The following ANO7 variants were observed in gnomAD, a reference collection of about 807,000 sequenced individuals.
ANO7 encodes anoctamin 7, also known as anoctamin-7.
In ANO7, 114 loss-of-function variants were observed where a neutral mutation model predicts 115.8. The observed-to-expected ratio is 0.98, with a 90% confidence interval of 0.85 to 1.15. ANO7 has a LOEUF of 1.15. ANO7 is among the 50% of genes most tolerant of loss of function. ANO7 has a pLI of 0.00. For missense variants in ANO7, 1,302 were observed against 1,201.2 expected, an observed-to-expected ratio of 1.08 and a Z score of -1.24; for synonymous variants, 550 against 498.2, an observed-to-expected ratio of 1.10 and a Z score of -1.38.
chr2:241,218,384 G>A lies in ANO7; in HGVS notation c.2321+3G>A. On this transcript the variant is annotated splice_donor_region_variant and intron_variant, in intron 21 of 24. Transcript: ENST00000674324. The stretch of plus-strand genomic sequence containing the variant: ...GCCGCGCACAACCGCACGTGCAGGT[G>A]AGCCCCGCGCCAGGTGGAGGGGGCC... The A allele has an allele frequency of 7.1e-7, 1 of 1,409,874 alleles. No homozygotes were observed. The highest frequency in any genetic ancestry group is 1.4e-5 in the South Asian group (1 of 69,316). 87.3% of individuals were successfully genotyped at this position (1,409,874 alleles called of 1,614,324 possible).
chr2:241,238,532 C>T, the ANO7 span: 1 of 825,778 alleles, frequency 1.2e-6, no homozygotes. This position sits in a 1 kb window ranked among gnomAD's most constrained non-coding sequence, Gnocchi z 4.9. Flanking sequence ...CCCCAGAATA[C>T]ATAGATGGTT....
At chr2:241,218,875 TA>T (rs2068937508) in intron 21 of ANO7, among the ~76,000 whole-genome samples, 1 of 152,222 alleles carries the variant, frequency 6.6e-6, no homozygotes, top group African/African-American at 2.4e-5. Flanking sequence ...CAAAAAGTTT[TA>T]CGGTGCTTTC....
rs927023771 is a variant in ANO7 at position 241,199,127 on chromosome 2, G to T, written c.310-189G>T. 6.9e-6 allele frequency: 4 copies of T among 583,514 alleles called. No individual in the cohort carries two copies. In the African/African-American group the frequency reaches 7.4e-5, roughly 11 times the overall value. 36.1% of individuals were successfully genotyped at this position (583,514 alleles called of 1,614,324 possible). On this transcript the variant is annotated intron_variant, in intron 4 of 24. Coordinates refer to ENST00000674324, the MANE Select transcript of ANO7 (RefSeq NM_001370694.2). The stretch of plus-strand genomic sequence containing the variant: ...GGGCCGACTCCCAAACGGGGCTGTC[G>T]AGGCCCGGTTGGCTTTCAGAGGCGT...
chr2:241,234,222 C>T, the ANO7 span, among the ~76,000 whole-genome samples: 114 of 152,356 alleles, frequency 7.5e-4, no homozygotes, highest in Non-Finnish European at 1.3e-3. Context: ...TTGCGAGGAT[C>T]GTGCTCAGGA....
At chr2:241,230,332 T>G, downstream of ANO7, 2 of 1,006,866 alleles carry the variant, frequency 2.0e-6, no homozygotes, top group South Asian at 3.1e-5. This position sits in a 1 kb window ranked among gnomAD's most constrained non-coding sequence, Gnocchi z 5.0. Context: ...TAAAATTATG[T>G]GTCAATTTCT....
At chr2:241,196,516 C>G (rs2068333634) in intron 4 of ANO7, among the ~76,000 whole-genome samples, 1 of 152,282 alleles carries the variant, frequency 6.6e-6, no homozygotes, top group South Asian at 2.1e-4. Context: ...TGTCCTCTCC[C>G]TCTCCACAGA....
At position 241,224,257 on chromosome 2, in the gene ANO7, G is replaced by A. The variant is rs1321549826; in HGVS notation, c.*104G>A. ...TCAGGCAGCGGCTGTGTGAACCGCT[G>A]GCTGCTGTTGTGCCTCATCTCTGGG... On this transcript the variant is annotated 3_prime_UTR_variant, in exon 25 of 25. Transcript: ENST00000674324. The A allele has an allele frequency of 2.3e-6, 3 of 1,322,596 alleles. No homozygotes were observed. Among genetic ancestry groups the A allele is most frequent in the African/African-American group, 1.5e-5 (1 of 68,776 alleles). The allele number at this position is 1,322,596 out of a possible 1,614,324, so 81.9% of individuals were successfully genotyped here. A position where few individuals can be genotyped will look rare whatever the true frequency, so the allele number is the denominator to read the frequency against.
At chr2:241,230,914 C>G (rs140776659), downstream of ANO7, 22 of 1,614,006 alleles carry the variant, frequency 1.4e-5, no homozygotes, top group Non-Finnish European at 1.7e-5. The surrounding 1 kb of genome is among the most constrained non-coding windows in gnomAD (Gnocchi z 5.0). Flanking sequence ...GTGTTCTTTT[C>G]GTACCCTGTG....
intron 11 of ANO7, among the ~76,000 whole-genome samples, chr2:241,209,047 G>T (rs1311124414): frequency 2.0e-5 from 3 of 152,360 alleles, no homozygotes; most frequent in South Asian, 4.1e-4. Context: ...TACTTGGGAG[G>T]CTGAGGCAGG....
At chr2:241,223,004 T>C (rs1260422063) in intron 21 of ANO7, among the ~76,000 whole-genome samples, 182 bp from the exon 22 acceptor site, 1 of 152,164 alleles carries the variant, frequency 6.6e-6, no homozygotes, top group Non-Finnish European at 1.5e-5. Context: ...GTTAAAGGTA[T>C]TGTCAGAGTA....
At chr2:241,238,840 G>A in the ANO7 span, 8 of 1,451,424 alleles carry the variant, frequency 5.5e-6, no homozygotes, top group Non-Finnish European at 6.5e-6. The surrounding 1 kb of genome is among the most constrained non-coding windows in gnomAD (Gnocchi z 4.9). Flanking sequence ...AAATTCCTTA[G>A]GGCAAGTTTT....
chr2:241,212,847 T>A, intron 17 of ANO7: 1 of 536,994 alleles, frequency 1.9e-6, no homozygotes, highest in Non-Finnish European at 3.3e-6. Context: ...ACCAAAACAC[T>A]CCAGGCCGGG....
At position 241,191,181 on chromosome 2, in the gene ANO7, C is replaced by T; in HGVS notation, c.109-13C>T. 6.2e-7 allele frequency: 1 copy of T among 1,613,888 alleles called. No individual in the cohort carries two copies. The highest frequency in any genetic ancestry group is 1.1e-5 in the South Asian group (1 of 91,078). On this transcript the variant is annotated splice_polypyrimidine_tract_variant and intron_variant, in intron 2 of 24. Transcript: ENST00000674324. ...TGATGCTGATATGCTTCTCCATCCT[C>T]CATGCCTTCCAGCCAGGTGGACAGC...
At position 241,210,451 on chromosome 2, in the gene ANO7, G is replaced by A. The variant is rs747912330; in HGVS notation, c.1459-17G>A. On this transcript the variant is annotated splice_polypyrimidine_tract_variant and intron_variant, in intron 14 of 24. Coordinates refer to ENST00000674324, the MANE Select transcript of ANO7 (RefSeq NM_001370694.2). ...GAGCGGCCCCTCATCCGGCTCTGAC[G>A]GCCTGTCTCCCGTTAGGCCTCTCGC... The A allele has an allele frequency of 1.9e-6, 3 of 1,613,870 alleles. No homozygotes were observed. Among genetic ancestry groups the A allele is most frequent in the Admixed American group, 1.7e-5 (1 of 60,030 alleles).
At chr2:241,215,323 G>C (rs2149244517) in intron 18 of ANO7, among the ~76,000 whole-genome samples, 1 of 152,224 alleles carries the variant, frequency 6.6e-6, no homozygotes, top group East Asian at 1.9e-4. Flanking sequence ...ACACACGTCT[G>C]CCTCAGATGC....
chr2:241,223,689 C>T lies in ANO7; in HGVS notation c.2440C>T (p.Leu814=). The T allele has an allele frequency of 6.2e-7, 1 of 1,613,866 alleles. No homozygotes were observed. Residue 814 remains leucine, a synonymous_variant, in exon 23 of 25, where the codon CTG becomes TTG. Transcript: ENST00000674324. Reference sequence around the variant, plus strand: ...TGTGGTTTTCTCCGTTGGCCGCCTCCTGGACCTCCTGGTGCCTGACATCCC... The same window carrying T: ...TGTGGTTTTCTCCGTTGGCCGCCTCTTGGACCTCCTGGTGCCTGACATCCC... ...EHVVFSVGRL[L]DLLVPDIPES...
intron 21 of ANO7, 82 bp from the exon 22 acceptor site, chr2:241,223,104 G>A: frequency 8.1e-7 from 1 of 1,235,658 alleles, no homozygotes; most frequent in African/African-American, 1.5e-5. Context: ...GTGGAAAAAG[G>A]GGAGATAGGC....
rs1381561078 is a variant in ANO7, at chr2:241,203,330, C to G, written c.724-3C>G. The G allele has an allele frequency of 2.0e-6, 3 of 1,533,256 alleles. No individual in the cohort carries two copies. The South Asian group carries it at 3.7e-5, about 19-fold the overall frequency. 95.0% of individuals were successfully genotyped at this position (1,533,256 alleles called of 1,614,324 possible). On this transcript the variant is annotated splice_region_variant and splice_polypyrimidine_tract_variant and intron_variant, in intron 8 of 24. Transcript: ENST00000674324. The surrounding 1 kb of genome is among the most constrained non-coding windows in gnomAD (Gnocchi z 4.8). ...CTCCCACCCACAGGCCGCTCGCCCC[C>G]AGGGCCCCTTCAAGACGCCCCCAGA... is the stretch of plus-strand genomic sequence containing the variant.
rs369614748 is a variant in ANO7, at chr2:241,224,215, G to A, written c.*62G>A. 7.2e-5 allele frequency: 114 copies of A among 1,572,774 alleles called. 1 individual carries two copies. The highest frequency in any genetic ancestry group is 6.2e-4 in the South Asian group (55 of 89,088). ...GCCCCTCCTGAGCCCTGCGAGCAGCGTCCTTTTCCTCTTCCCTCAGGCAGC... is the reference window on the plus strand; with the variant it reads ...GCCCCTCCTGAGCCCTGCGAGCAGCATCCTTTTCCTCTTCCCTCAGGCAGC... On this transcript the variant is annotated 3_prime_UTR_variant, in exon 25 of 25. Transcript: ENST00000674324.
Sources: gnomAD v4.1 joint callset for allele counts (sites outside exome capture counted in the v4.1 genomes callset) on GRCh38, gnomAD v4.1.1 for gene constraint, Gnocchi (gnomAD v3.1) non-coding constraint, MANE v1.5 for transcripts, NCBI Gene and HGNC (gene_info 2026-07-23, HGNC 2026-07-21) for gene names.